The following GLIPR1 variants were observed in gnomAD, a reference collection of about 807,000 sequenced individuals.
GLIPR1 encodes GLI pathogenesis related 1.
GLIPR1 carries 38 observed loss-of-function variants against 30.3 expected under a neutral mutation model. The ratio of observed to expected loss-of-function variants is 1.26; its 90% CI spans 0.97 to 1.65. The LOEUF (loss-of-function observed/expected upper bound fraction) is 1.65. Among genes scored for constraint, GLIPR1 ranks in the 40% most tolerant of loss-of-function variants. The pLI, the probability that GLIPR1 is intolerant of heterozygous loss-of-function variation, is 0.00. For missense variants in GLIPR1, 285 were observed against 326.5 expected (o/e 0.87, Z 0.98); for synonymous variants, 122 against 110.6 (o/e 1.10, Z -0.65).
chr12:75,500,180 G>T lies in GLIPR1; in HGVS notation c.*1202G>T, dbSNP rs2046381972. 1 of 298,854 alleles carries T rather than the reference G, an allele frequency of 3.3e-6. No individual in the cohort carries two copies. Among genetic ancestry groups the T allele is most frequent in the Non-Finnish European group, 6.0e-6 (1 of 165,422 alleles). 18.5% of individuals were successfully genotyped at this position (298,854 alleles called of 1,614,324 possible). A position where few individuals can be genotyped will look rare whatever the true frequency, so the allele number is the denominator to read the frequency against. ...AAATCATAAAATACTTTATATATTA[G>T]TACAAGTATACATAAAAATGGCATA... On this transcript the variant is annotated 3_prime_UTR_variant, in exon 6 of 6. Transcript: ENST00000266659.
In GLIPR1 at chr12:75,503,261, G is replaced by A. The variant is rs190425638; in HGVS notation, c.*4283G>A. 6.6e-6 allele frequency: 1 copy of A among 152,176 alleles called. No individual in the cohort carries two copies. The allele number at this position is 152,176 out of a possible 1,614,324, so 9.4% of individuals were successfully genotyped here. On this transcript the variant is annotated 3_prime_UTR_variant, in exon 6 of 6. Coordinates refer to ENST00000266659, the MANE Select transcript of GLIPR1 (RefSeq NM_006851.3). The stretch of plus-strand genomic sequence containing the variant: ...TGCTAAACATGGGAGGGCACTGAGA[G>A]AATTAAGAGGAAACATGAATTTTGA...
intron 2 of GLIPR1, among the ~76,000 whole-genome samples, chr12:75,490,162 TTTC>T (rs1437354184): frequency 1.3e-5 from 2 of 151,218 alleles, no homozygotes; most frequent in African/African-American, 4.9e-5. Context: ...TACCGTTTTA[TTTC>T]TTCATTGTAC....
At position 75,501,124 on chromosome 12, in the gene GLIPR1, GA is replaced by G. The variant is rs1214300507; in HGVS notation, c.*2153del. The stretch of plus-strand genomic sequence containing the variant: ...GAAGAGGATAAGTGTTACCACAGGG[GA>G]AAAAAATGCAGAAGAGGATGCATCA... On this transcript the variant is annotated 3_prime_UTR_variant, in exon 6 of 6. Transcript: ENST00000266659. The G allele has an allele frequency of 1.3e-5, 2 of 152,140 alleles. No individual in the cohort carries two copies. Among genetic ancestry groups the G allele is most frequent in the African/African-American group, 2.4e-5 (1 of 41,366 alleles). 9.4% of individuals were successfully genotyped at this position (152,140 alleles called of 1,614,324 possible).
chr12:75,487,396 C>T (rs1457283274), intron 2 of GLIPR1, among the ~76,000 whole-genome samples: 1 of 152,200 alleles, frequency 6.6e-6, no homozygotes, highest in African/African-American at 2.4e-5. Context: ...GTTTAAGGAT[C>T]AAACCTGAGG....
At chr12:75,485,938 A>C (rs187442148) in intron 2 of GLIPR1, among the ~76,000 whole-genome samples, 2 of 152,252 alleles carry the variant, frequency 1.3e-5, no homozygotes, top group Admixed American at 6.5e-5. Context: ...CGAGAATTGA[A>C]AGGGAAAGAT....
intron 2 of GLIPR1, among the ~76,000 whole-genome samples, chr12:75,485,544 T>TATTTATTTATTTATTC (rs2046289721): frequency 6.8e-6 from 1 of 146,890 alleles, no homozygotes; most frequent in Non-Finnish European, 1.5e-5. Context: ...TTTATTTATT[T>TATTTATTTATTTATTC]ATTTATTTAT....
rs563728840 is a variant in GLIPR1, at chr12:75,502,946, C to T, written c.*3968C>T. On this transcript the variant is annotated 3_prime_UTR_variant, in exon 6 of 6. Coordinates refer to ENST00000266659, the MANE Select transcript of GLIPR1 (RefSeq NM_006851.3). Reference sequence around the variant, plus strand: ...TTTTCACTATGATCATCATTTTCCCCGTCAATCACAAATCTTCCCTGAAAG... The same window carrying T: ...TTTTCACTATGATCATCATTTTCCCTGTCAATCACAAATCTTCCCTGAAAG... 12 of 152,066 alleles carry T rather than the reference C, an allele frequency of 7.9e-5. No individual in the cohort carries two copies. The East Asian group carries it at 1.9e-3, about 24-fold the overall frequency. 9.4% of individuals were successfully genotyped at this position (152,066 alleles called of 1,614,324 possible).
At position 75,500,586 on chromosome 12, in the gene GLIPR1, C is replaced by A. The variant is rs2046386346; in HGVS notation, c.*1608C>A. 6.6e-6 allele frequency: 1 copy of A among 151,898 alleles called. No individual in the cohort carries two copies. Among genetic ancestry groups the A allele is most frequent in the Non-Finnish European group, 1.5e-5 (1 of 67,942 alleles). 9.4% of individuals were successfully genotyped at this position (151,898 alleles called of 1,614,324 possible). Reference sequence around the variant, plus strand: ...AACAAGATTTTGGTATATTTAACAACATTTTGGTAATAAAGACAATAATTT... The same window carrying A: ...AACAAGATTTTGGTATATTTAACAAAATTTTGGTAATAAAGACAATAATTT... On this transcript the variant is annotated 3_prime_UTR_variant, in exon 6 of 6. Coordinates refer to ENST00000266659, the MANE Select transcript of GLIPR1 (RefSeq NM_006851.3).
In GLIPR1 at chr12:75,499,752, GATATCTCAAAATCCTTTACAAA is replaced by G; in HGVS notation, c.*776_*797del. On this transcript the variant is annotated 3_prime_UTR_variant, in exon 6 of 6. Transcript: ENST00000266659. ...CTCACAAATAAGGCAACTAATGCCT[GATATCTCAAAATCCTTTACAAA>G]AGGAGATAGTTCTAGTCAAGGAGTT... 2.2e-6 allele frequency: 3 copies of G among 1,365,094 alleles called. No individual in the cohort carries two copies. In the South Asian group the frequency reaches 4.4e-5, roughly 20 times the overall value. The allele number at this position is 1,365,094 out of a possible 1,614,324, so 84.6% of individuals were successfully genotyped here. A position where few individuals can be genotyped will look rare whatever the true frequency, so the allele number is the denominator to read the frequency against.
At chr12:75,481,297 A>G in intron 1 of GLIPR1, 1 of 340,148 alleles carries the variant, frequency 2.9e-6, no homozygotes, top group Non-Finnish European at 5.3e-6. Context: ...TCTGGTTTTC[A>G]GTGGATTTTA....
intron 3 of GLIPR1, 90 bp from the exon 4 acceptor site, chr12:75,495,487 A>C: frequency 2.9e-6 from 2 of 700,656 alleles, no homozygotes; most frequent in Non-Finnish European, 5.2e-6. Flanking sequence ...TCACTCCACT[A>C]TTCTTCTGGA....
At chr12:75,486,311 C>G (rs1394857554) in intron 2 of GLIPR1, among the ~76,000 whole-genome samples, 3 of 133,378 alleles carry the variant, frequency 2.2e-5, no homozygotes, top group Non-Finnish European at 5.1e-5. Flanking sequence ...CAGAAACCTG[C>G]CTGATAAAAA....
chr12:75,481,805 C>G, intron 1 of GLIPR1, 29 bp from the exon 2 acceptor site: 3 of 1,608,244 alleles, frequency 1.9e-6, no homozygotes, highest in Non-Finnish European at 1.7e-6. Context: ...TCAGATGAAC[C>G]CCCTATTGTT....
chr12:75,486,413 A>G (rs2046294258), intron 2 of GLIPR1, among the ~76,000 whole-genome samples: 1 of 152,222 alleles, frequency 6.6e-6, no homozygotes, highest in East Asian at 1.9e-4. Flanking sequence ...GCTATGTTCC[A>G]GAAGCTCATT....
intron 1 of GLIPR1, chr12:75,481,356 T>TA: frequency 3.0e-5 from 5 of 168,956 alleles, no homozygotes; most frequent in East Asian, 1.1e-4. Flanking sequence ...GATTTGGTTT[T>TA]CTTTTTTTTT....
chr12:75,496,309 TGTACCA>T (rs2046351493), intron 4 of GLIPR1: 1 of 151,920 alleles, frequency 6.6e-6, no homozygotes, highest in Non-Finnish European at 1.5e-5. Context: ...GAGCAGAGAT[TGTACCA>T]CTGCACTCCA....
rs953856438 is a variant in GLIPR1, at chr12:75,499,323, T to C, written c.*345T>C. ...CATTAGTTAAAAACATTATTATTTT[T>C]TGCATGCTGCTTCGACTCTAAATAT... On this transcript the variant is annotated 3_prime_UTR_variant, in exon 6 of 6. Transcript: ENST00000266659. 5.8e-5 allele frequency: 10 copies of C among 171,724 alleles called. No individual in the cohort carries two copies. The highest frequency in any genetic ancestry group is 9.8e-5 in the Non-Finnish European group (8 of 81,844). The allele number at this position is 171,724 out of a possible 1,614,324, so 10.6% of individuals were successfully genotyped here.
Position 75,481,849 on chromosome 12 carries a change from C to A in GLIPR1, c.190C>A (p.Leu64Ile), listed in dbSNP as rs199803624. The A allele has an allele frequency of 6.2e-7, 1 of 1,614,102 alleles. No individual in the cohort carries two copies. Among genetic ancestry groups the A allele is most frequent in the South Asian group, 1.1e-5 (1 of 91,088 alleles). ...DMLYMTWDPALAQIAKAWASN... is the reference protein window; with the variant it reads ...DMLYMTWDPAIAQIAKAWASN... ...ATTTTTGCAGACTTGGGACCCAGCA[C>A]TAGCCCAAATTGCAAAAGCATGGGC... The change falls in exon 2 of 6, where the codon CTA (leucine) becomes ATA (isoleucine). Residue 64 changes from leucine to isoleucine, a missense_variant. By Grantham distance (5) the Leu-to-Ile change is conservative. Transcript: ENST00000266659.
At position 75,498,386 on chromosome 12, in the gene GLIPR1, A is replaced by G. The variant is rs1024922975; in HGVS notation, c.620-308A>G. 4 of 209,420 alleles carry G rather than the reference A, an allele frequency of 1.9e-5. No individual in the cohort carries two copies. In the South Asian group the frequency reaches 5.1e-4, roughly 27 times the overall value. The allele number at this position is 209,420 out of a possible 1,614,324, so 13.0% of individuals were successfully genotyped here. ...ATTTTAATAAATTTCTCACATTCTAATATTTAATTTTTATTTTTTAAATTT... is the reference window on the plus strand; with the variant it reads ...ATTTTAATAAATTTCTCACATTCTAGTATTTAATTTTTATTTTTTAAATTT... On this transcript the variant is annotated intron_variant, in intron 4 of 5. Coordinates refer to ENST00000266659, the MANE Select transcript of GLIPR1 (RefSeq NM_006851.3).
Sources: allele counts gnomAD v4.1 joint callset (sites outside exome capture counted in the v4.1 genomes callset), GRCh38; gene constraint gnomAD v4.1.1; transcripts MANE v1.5; gene names NCBI Gene and HGNC (gene_info 2026-07-23, HGNC 2026-07-21).